Variants in NFIL3 observed in about 807,000 individuals in gnomAD.
NFIL3 encodes nuclear factor interleukin-3-regulated protein.
Under a neutral mutation model 10.0 loss-of-function variants are expected in NFIL3, and 5 were observed. That is an observed-to-expected ratio of 0.50 (90% CI 0.26 to 1.06). NFIL3 has a LOEUF of 1.06. NFIL3 is among the 50% of genes least tolerant of loss of function. NFIL3 has a pLI of 0.13. For missense variants in NFIL3, 436 were observed against 547.6 expected (o/e 0.80, Z 2.03); for synonymous variants, 202 against 206.5 (o/e 0.98, Z 0.19).
rs754767782 is a variant in NFIL3, at chr9:91,410,711, G to A, written c.24C>T (p.Thr8=). 6.3e-6 allele frequency: 10 copies of A among 1,596,996 alleles called. No homozygotes were observed. The Admixed American group carries it at 9.0e-5, about 14-fold the overall frequency. Residue 8 remains threonine, a synonymous_variant, in exon 2 of 2, where the codon ACC becomes ACT. Coordinates refer to ENST00000297689, the MANE Select transcript of NFIL3 (RefSeq NM_005384.3). The surrounding 1 kb of genome is among the most constrained non-coding windows in gnomAD (Gnocchi z 5.7). ...CAAGAGACGCCTGCTCCTTTTTGAC[G>A]GTCTGCATTTTTCTCAGCTGCATCA... MQLRKMQ[T]VKKEQASLDA... is the part of the protein sequence containing the mutation.
the NFIL3 span, among the ~76,000 whole-genome samples, chr9:91,450,781 G>A: frequency 6.6e-6 from 1 of 152,198 alleles, no homozygotes; most frequent in South Asian, 2.1e-4. Flanking sequence ...TAAATGTTCT[G>A]TTCATTATTG....
At chr9:91,447,429 C>A in the NFIL3 span, among the ~76,000 whole-genome samples, 1 of 152,178 alleles carries the variant, frequency 6.6e-6, no homozygotes, top group Non-Finnish European at 1.5e-5. Flanking sequence ...ACAGGAGCTG[C>A]ACCATTTTAT....
At chr9:91,460,800 GC>G in the NFIL3 span, among the ~76,000 whole-genome samples, 1 of 152,308 alleles carries the variant, frequency 6.6e-6, no homozygotes, top group East Asian at 1.9e-4. Flanking sequence ...GGCTCATAAT[GC>G]ATGGCATATG....
rs1369256481 is a variant in NFIL3 at position 91,423,701 on chromosome 9, G to A, written c.-234C>T. ...GGGGCGGCCGGGAGTCGGGCCGCCG[G>A]CGCTCGGGGCTCGGGCCGGGCCGGG... On this transcript the variant is annotated 5_prime_UTR_variant, in exon 1 of 2. Coordinates refer to ENST00000297689, the MANE Select transcript of NFIL3 (RefSeq NM_005384.3). 4 of 146,102 alleles carry A rather than the reference G, an allele frequency of 2.7e-5. No individual in the cohort carries two copies. Among genetic ancestry groups the A allele is most frequent in the African/African-American group, 9.8e-5 (4 of 40,714 alleles). The allele number at this position is 146,102 out of a possible 1,614,324, so 9.1% of individuals were successfully genotyped here.
At position 91,410,750 on chromosome 9, in the gene NFIL3, C is replaced by T. The variant is rs756764259; in HGVS notation, c.-16G>A. The T allele has an allele frequency of 1.9e-6, 3 of 1,565,768 alleles. No homozygotes were observed. The highest frequency in any genetic ancestry group is 2.6e-6 in the Non-Finnish European group (3 of 1,160,500). On this transcript the variant is annotated 5_prime_UTR_variant, in exon 2 of 2. Transcript: ENST00000297689. The surrounding 1 kb of genome is among the most constrained non-coding windows in gnomAD (Gnocchi z 5.7). ...TCAGCTGCATCAGAAACAACCTTAC[C>T]CTATCTATGTGTGTAGGAGAACAAA...
chr9:91,458,158 T>A, the NFIL3 span, among the ~76,000 whole-genome samples: 1 of 152,134 alleles, frequency 6.6e-6, no homozygotes, highest in Non-Finnish European at 1.5e-5. Flanking sequence ...GCTGTCCTTG[T>A]AGAGAGAATT....
intron 1 of NFIL3, among the ~76,000 whole-genome samples, chr9:91,412,053 G>A (rs1478254247): frequency 1.6e-5 from 2 of 126,122 alleles, no homozygotes; most frequent in Non-Finnish European, 3.1e-5. Context: ...AGTGAGCTGA[G>A]ATCACGCCAC....
the NFIL3 span, among the ~76,000 whole-genome samples, chr9:91,438,816 C>T: frequency 1.3e-5 from 2 of 152,078 alleles, no homozygotes; most frequent in African/African-American, 4.8e-5. Flanking sequence ...CTTAATTGAC[C>T]ATACATGTTT....
chr9:91,412,163 G>A (rs551010595), intron 1 of NFIL3, among the ~76,000 whole-genome samples: 1 of 150,764 alleles, frequency 6.6e-6, no homozygotes, highest in Non-Finnish European at 1.5e-5. Flanking sequence ...TTCAAAGGGG[G>A]TTTTTAAAAG....
rs114070871 is a variant in NFIL3, at chr9:91,410,399, G to A, written c.336C>T (p.Asn112=). The change falls in exon 2 of 2, where the codon AAC becomes AAT. Residue 112 remains asparagine, a synonymous_variant. Coordinates refer to ENST00000297689, the MANE Select transcript of NFIL3 (RefSeq NM_005384.3). This position sits in a 1 kb window ranked among gnomAD's most constrained non-coding sequence, Gnocchi z 5.7. ...AAAGCAGCTCAGCTTTTAAAGTGGC[G>A]TTTTCTTCTCCCAGTGCAATTAGTT... ...ENKLIALGEE[N]ATLKAELLSL... The A allele has an allele frequency of 5.9e-4, 948 of 1,613,456 alleles. 7 individuals carry two copies. In the African/African-American group the frequency reaches 0.01, roughly 18 times the overall value.
the NFIL3 span, among the ~76,000 whole-genome samples, chr9:91,471,696 C>G: frequency 6.6e-6 from 1 of 151,988 alleles, no homozygotes; most frequent in Non-Finnish European, 1.5e-5. Flanking sequence ...GCATTTAACC[C>G]ATTTACATTT....
the NFIL3 span, among the ~76,000 whole-genome samples, chr9:91,441,154 A>G: frequency 6.6e-6 from 1 of 152,182 alleles, no homozygotes; most frequent in Admixed American, 6.5e-5. Context: ...CTTCATGTCC[A>G]TTAATATTTG....
the NFIL3 span, among the ~76,000 whole-genome samples, chr9:91,428,926 G>C: frequency 6.6e-6 from 1 of 152,150 alleles, no homozygotes; most frequent in Non-Finnish European, 1.5e-5. Flanking sequence ...GGAAAAAGGA[G>C]AATACACTAA....
chr9:91,467,002 G>C, the NFIL3 span, among the ~76,000 whole-genome samples: 1 of 152,162 alleles, frequency 6.6e-6, no homozygotes. Context: ...CCCCAATGAA[G>C]AGGGAATTCT....
the NFIL3 span, among the ~76,000 whole-genome samples, chr9:91,477,421 T>G: frequency 6.6e-6 from 1 of 152,200 alleles, no homozygotes; most frequent in Non-Finnish European, 1.5e-5. Context: ...ATAATCTCTC[T>G]GTCTTAAGGT....
the NFIL3 span, among the ~76,000 whole-genome samples, chr9:91,445,173 T>A: frequency 6.6e-6 from 1 of 152,040 alleles, no homozygotes; most frequent in Non-Finnish European, 1.5e-5. Flanking sequence ...GAAGAAGGGG[T>A]ACTCTGAGGG....
chr9:91,472,199 A>G, the NFIL3 span, among the ~76,000 whole-genome samples: 8 of 152,064 alleles, frequency 5.3e-5, no homozygotes, highest in South Asian at 2.1e-4. Context: ...TGCTCTTCTC[A>G]AGGAGTATCT....
the NFIL3 span, among the ~76,000 whole-genome samples, chr9:91,439,016 C>T: frequency 6.6e-3 from 1,005 of 152,134 alleles, 9 homozygotes; most frequent in African/African-American, 0.022. Flanking sequence ...TTTGTCGTTC[C>T]ATATGAATTT....
the NFIL3 span, among the ~76,000 whole-genome samples, chr9:91,453,112 G>A: frequency 2.0e-5 from 3 of 152,054 alleles, no homozygotes; most frequent in African/African-American, 7.3e-5. Context: ...TCTGAGAGCT[G>A]TGAAGGAAAG....
Sources: gnomAD v4.1 joint callset for allele counts (sites outside exome capture counted in the v4.1 genomes callset) on GRCh38, gnomAD v4.1.1 for gene constraint, Gnocchi (gnomAD v3.1) non-coding constraint, MANE v1.5 for transcripts, NCBI Gene and HGNC (gene_info 2026-07-23, HGNC 2026-07-21) for gene names.